Variants in CATSPERD observed in about 807,000 individuals in gnomAD.
The protein encoded by CATSPERD is catsper channel auxiliary subunit delta.
CATSPERD carries 86 observed loss-of-function variants against 98.1 expected under a neutral mutation model. The ratio of observed to expected loss-of-function variants is 0.88; its 90% CI spans 0.74 to 1.05. The LOEUF (loss-of-function observed/expected upper bound fraction) is 1.05, where lower values mean the gene tolerates loss of function less well. Among genes scored for constraint, CATSPERD ranks in the 50% least tolerant of loss-of-function variants. The pLI is 0.00. For missense variants in CATSPERD, 995 were observed against 1,005.7 expected, an observed-to-expected ratio of 0.99 and a Z score of 0.14; for synonymous variants, 394 against 390.2, an observed-to-expected ratio of 1.01 and a Z score of -0.12.
At chr19:5,745,409 A>G (rs1471555147) in intron 8 of CATSPERD, among the ~76,000 whole-genome samples, 1 of 151,006 alleles carries the variant, frequency 6.6e-6, no homozygotes, top group South Asian at 2.1e-4. Flanking sequence ...ATTTGGGGTC[A>G]GGAGTTTGAA....
intron 4 of CATSPERD, among the ~76,000 whole-genome samples, chr19:5,733,332 T>TTTCATTCTTTCTTCCTTCCTTCC (rs2055768063): frequency 7.3e-6 from 1 of 136,630 alleles, no homozygotes; most frequent in Non-Finnish European, 1.5e-5. Flanking sequence ...TCTTTCTTTC[T>TTTCATTCTTTCTTCCTTCCTTCC]TTCCTTTCTT....
intron 19 of CATSPERD, among the ~76,000 whole-genome samples, chr19:5,771,495 C>CTCAA (rs1865496495): frequency 6.6e-6 from 1 of 152,036 alleles, no homozygotes; most frequent in South Asian, 2.1e-4. Flanking sequence ...GCCTTGGCCT[C>CTCAA]TCAAAGTGTT....
At chr19:5,723,186 CAAAAAAAAAAA>C (rs56121351) in intron 1 of CATSPERD, among the ~76,000 whole-genome samples, 18 of 121,396 alleles carry the variant, frequency 1.5e-4, no homozygotes, top group African/African-American at 4.1e-4. Context: ...GATTCTGTCT[CAAAAAAAAAAA>C]AAAGAAAAAG....
rs10645590 is a variant in CATSPERD, at chr19:5,766,289, G to GAAAA, written c.1559+147_1559+150dup. 2.1e-3 allele frequency: 497 copies of GAAAA among 241,672 alleles called. 1 individual carries two copies. Among genetic ancestry groups the GAAAA allele is most frequent in the South Asian group, 3.4e-3 (42 of 12,316 alleles). 15.0% of individuals were successfully genotyped at this position (241,672 alleles called of 1,614,324 possible). ...AACATGGCGAAACCCCGTCTCTACTGAAAAAAAAAAAAAAAATTAGGCGTG... is the reference window on the plus strand; with the variant it reads ...AACATGGCGAAACCCCGTCTCTACTGAAAAAAAAAAAAAAAAAAAATTAGGCGTG... On this transcript the variant is annotated intron_variant, in intron 17 of 21. Transcript: ENST00000381624.
intron 5 of CATSPERD, among the ~76,000 whole-genome samples, chr19:5,735,230 T>G (rs2055819113): frequency 6.6e-6 from 1 of 151,576 alleles, no homozygotes; most frequent in African/African-American, 2.4e-5. Flanking sequence ...CTCTGCCTCC[T>G]GGGTTCAAGC....
intron 4 of CATSPERD, among the ~76,000 whole-genome samples, chr19:5,731,560 GTTT>G (rs67541709): frequency 7.9e-5 from 6 of 75,724 alleles, no homozygotes; most frequent in Admixed American, 2.3e-4. Context: ...ACACTTAACA[GTTT>G]TTTTTTTTTT....
At chr19:5,733,703 G>T (rs927438331) in intron 4 of CATSPERD, among the ~76,000 whole-genome samples, 153 bp from the exon 5 acceptor site, 3 of 151,782 alleles carry the variant, frequency 2.0e-5, no homozygotes, top group Non-Finnish European at 4.4e-5. Flanking sequence ...TGATCTACCC[G>T]CCTTGGCCTC....
chr19:5,763,362 G>A, intron 16 of CATSPERD, 69 bp downstream of exon 16: 4 of 1,340,862 alleles, frequency 3.0e-6, no homozygotes, highest in Non-Finnish European at 4.3e-6. Flanking sequence ...AGCTGGCCCT[G>A]AGGTTGCAAT....
intron 9 of CATSPERD, among the ~76,000 whole-genome samples, chr19:5,746,416 C>T (rs2056094583): frequency 6.7e-6 from 1 of 149,288 alleles, no homozygotes; most frequent in Non-Finnish European, 1.5e-5. Flanking sequence ...CAGGAGGCTT[C>T]GTATTTAACA....
intron 3 of CATSPERD, 98 bp downstream of exon 3, chr19:5,727,442 G>A: frequency 1.1e-6 from 1 of 901,590 alleles, no homozygotes; most frequent in Non-Finnish European, 1.8e-6. Context: ...AGATGGCTCT[G>A]CCGTGTGTTG....
chr19:5,731,559 A>ATTTTTTTTT (rs1568342216), intron 4 of CATSPERD, among the ~76,000 whole-genome samples: 6 of 78,536 alleles, frequency 7.6e-5, no homozygotes, highest in African/African-American at 1.4e-4. Flanking sequence ...GACACTTAAC[A>ATTTTTTTTT]GTTTTTTTTT....
At chr19:5,738,352 C>CAAAAAAAA (rs767298084) in intron 6 of CATSPERD, among the ~76,000 whole-genome samples, 15 of 104,908 alleles carry the variant, frequency 1.4e-4, no homozygotes, top group East Asian at 1.0e-3. Flanking sequence ...ACTCAAAATA[C>CAAAAAAAA]AAAAAAAAAA....
intron 4 of CATSPERD, among the ~76,000 whole-genome samples, chr19:5,733,287 C>T (rs527239830): frequency 1.3e-4 from 19 of 151,566 alleles, no homozygotes; most frequent in African/African-American, 4.6e-4. Flanking sequence ...AGCCACTGCG[C>T]CTGGTCTCTT....
chr19:5,720,747 T>A lies in CATSPERD; in HGVS notation c.10T>A (p.Leu4Met). The A allele has an allele frequency of 1.2e-6, 2 of 1,606,704 alleles. No individual in the cohort carries two copies. Among genetic ancestry groups the A allele is most frequent in the Non-Finnish European group, 1.7e-6 (2 of 1,179,748 alleles). ...GCGGAAGCCCAAGTCGATGCTGATG[T>A]TGATGCTGGTGGCGGCTGTGACCAT... MLM[L>M]MLVAAVTMWL... The change falls in exon 1 of 22, where the codon TTG (leucine) becomes ATG (methionine). Residue 4 changes from leucine (L) to methionine (M), a missense_variant. This residue lies in a region of CATSPERD where 228 missense variants were observed against 209.6 expected (regional missense o/e 1.09). Coordinates refer to ENST00000381624, the MANE Select transcript of CATSPERD (RefSeq NM_152784.4).
chr19:5,739,543 C>A, intron 7 of CATSPERD, 104 bp downstream of exon 7: 1 of 666,014 alleles, frequency 1.5e-6, no homozygotes, highest in South Asian at 1.7e-5. Flanking sequence ...CTTTAAGAGT[C>A]CAACTGGGAC....
intron 13 of CATSPERD, among the ~76,000 whole-genome samples, chr19:5,755,873 C>G (rs1449197367): frequency 6.6e-6 from 1 of 151,716 alleles, no homozygotes; most frequent in Non-Finnish European, 1.5e-5. Context: ...GGGGCTAAGG[C>G]AGGAGGCTGA....
chr19:5,741,796 G>GGT (rs1555720239), intron 7 of CATSPERD, among the ~76,000 whole-genome samples: 1 of 92,610 alleles, frequency 1.1e-5, no homozygotes, highest in African/African-American at 3.6e-5. Flanking sequence ...GGGGGGGGGG[G>GGT]GGTGGTGTGG....
chr19:5,751,687 T>C lies in CATSPERD; in HGVS notation c.1028T>C (p.Met343Thr). The change falls in exon 12 of 22, where the codon ATG becomes ACG. Residue 343 changes from methionine to threonine, a missense_variant. Met to Thr is a moderately conservative substitution (Grantham distance 81, BLOSUM62 -1). Transcript: ENST00000381624. ...ATCTGGTCAGAAGACGTGGCCCTGA[T>C]GTTCAGGAGCCCAGGGACTCTGGAA... ...QYIWSEDVALMFRSPGTLEIL... is the reference protein window; with the variant it reads ...QYIWSEDVALTFRSPGTLEIL... 1 of 1,612,534 alleles carries C rather than the reference T, an allele frequency of 6.2e-7. No homozygotes were observed. The highest frequency in any genetic ancestry group is 8.5e-7 in the Non-Finnish European group (1 of 1,179,030).
intron 20 of CATSPERD, 65 bp from the exon 21 acceptor site, chr19:5,776,096 G>A (rs1483811641): frequency 1.9e-6 from 3 of 1,552,906 alleles, no homozygotes; most frequent in East Asian, 4.5e-5. Flanking sequence ...TCCGCAGGGA[G>A]GAGGGAGGCT....
Sources: gnomAD v4.1 joint callset for allele counts (sites outside exome capture counted in the v4.1 genomes callset) on GRCh38, gnomAD v4.1.1 for gene constraint, gnomAD v4.1.1 regional missense constraint, MANE v1.5 for transcripts, NCBI Gene and HGNC (gene_info 2026-07-23, HGNC 2026-07-21) for gene names.